The following TOX variants were observed in gnomAD, a reference collection of about 807,000 sequenced individuals.
TOX encodes thymocyte selection-associated high mobility group box protein TOX.
In TOX, 11 loss-of-function variants were observed where a neutral mutation model predicts 53.7. The ratio of observed to expected loss-of-function variants is 0.20; its 90% CI spans 0.13 to 0.34. The LOEUF (loss-of-function observed/expected upper bound fraction) is 0.34. TOX is among the 10% of genes least tolerant of loss of function. TOX has a pLI of 1.00. For missense variants in TOX, 570 were observed against 664.6 expected, an observed-to-expected ratio of 0.86 and a Z score of 1.56; for synonymous variants, 225 against 245.3, an observed-to-expected ratio of 0.92 and a Z score of 0.77.
intron 3 of TOX, among the ~76,000 whole-genome samples, chr8:58,872,064 A>AT (rs1180708382): frequency 4.0e-5 from 6 of 151,078 alleles, no homozygotes; most frequent in South Asian, 4.2e-4. Context: ...AGTCTGGAGC[A>AT]TTTTTTTTTC....
At chr8:58,990,790 C>T (rs1172327249) in intron 1 of TOX, among the ~76,000 whole-genome samples, 1 of 152,190 alleles carries the variant, frequency 6.6e-6, no homozygotes, top group Non-Finnish European at 1.5e-5. Context: ...CACTCACCTA[C>T]CTAGGTGCTG....
At chr8:58,920,720 T>TTAAAAAAAAAAAAAAAAAAAAAAAA (rs1812053613) in intron 3 of TOX, among the ~76,000 whole-genome samples, 1 of 21,952 alleles carries the variant, frequency 4.6e-5, no homozygotes. Context: ...AAAAAAAACA[T>TTAAAAAAAAAAAAAAAAAAAAAAAA]TAAAAAAAAA....
At chr8:58,878,147 T>G (rs770247024) in intron 3 of TOX, among the ~76,000 whole-genome samples, 5 of 152,050 alleles carry the variant, frequency 3.3e-5, no homozygotes, top group Non-Finnish European at 5.9e-5. Context: ...TCACAATTCT[T>G]TTCCCTTTTT....
At chr8:58,986,197 T>C (rs1813324960) in intron 1 of TOX, among the ~76,000 whole-genome samples, 1 of 152,178 alleles carries the variant, frequency 6.6e-6, no homozygotes, top group African/African-American at 2.4e-5. Flanking sequence ...GAAGTACTCA[T>C]GGTTCCACTA....
At chr8:58,934,143 T>G (rs1291749708) in intron 3 of TOX, among the ~76,000 whole-genome samples, 1 of 152,210 alleles carries the variant, frequency 6.6e-6, no homozygotes, top group Admixed American at 6.5e-5. Flanking sequence ...TGGCACTTAT[T>G]TGACAGTTAC....
chr8:58,948,722 C>G (rs1477584621), intron 2 of TOX, among the ~76,000 whole-genome samples: 1 of 151,836 alleles, frequency 6.6e-6, no homozygotes, highest in Non-Finnish European at 1.5e-5. Flanking sequence ...TTTTTTTAGT[C>G]ATCTAGACTT....
At chr8:59,098,392 C>T (rs868576198) in intron 1 of TOX, among the ~76,000 whole-genome samples, 7 of 151,806 alleles carry the variant, frequency 4.6e-5, no homozygotes, top group Middle Eastern at 3.5e-3. Flanking sequence ...ATGCTATTCT[C>T]TCTGCATTTT....
intron 3 of TOX, among the ~76,000 whole-genome samples, chr8:58,861,747 T>G (rs1442461586): frequency 1.3e-5 from 2 of 152,210 alleles, no homozygotes; most frequent in Admixed American, 6.5e-5. Flanking sequence ...GCAAGAATGC[T>G]TCTTCACACC....
rs1482744340 is a variant in TOX at position 58,976,575 on chromosome 8, A to G, written c.103-16567T>C. On this transcript the variant is annotated intron_variant, in intron 1 of 8. Coordinates refer to ENST00000361421, the MANE Select transcript of TOX (RefSeq NM_014729.3). ...ATCATCATGAATGTTCTTAATGGCA[A>G]CTAGAATGGTAAAATCATCTCCAGA... 2.6e-5 allele frequency among the ~76,000 whole-genome samples: 4 copies of G among 152,346 alleles called. No individual in the cohort carries two copies. The East Asian group carries it at 7.7e-4, about 29-fold the overall frequency.
chr8:58,834,370 C>A (rs1358048964), intron 5 of TOX, among the ~76,000 whole-genome samples: 1 of 152,176 alleles, frequency 6.6e-6, no homozygotes, highest in Non-Finnish European at 1.5e-5. Context: ...CTGTAACATG[C>A]ATATTTGTCC....
intron 3 of TOX, among the ~76,000 whole-genome samples, chr8:58,930,664 A>G (rs562651722): frequency 3.7e-4 from 56 of 152,320 alleles, no homozygotes; most frequent in African/African-American, 1.3e-3. Flanking sequence ...ACCACCCACA[A>G]GAAGCCCCAA....
At chr8:58,864,109 TG>T (rs1811057642) in intron 3 of TOX, among the ~76,000 whole-genome samples, 2 of 152,156 alleles carry the variant, frequency 1.3e-5, no homozygotes, top group African/African-American at 4.8e-5. Context: ...AGTAATGATA[TG>T]TCTAAGATAG....
In TOX at chr8:58,942,658, T is replaced by A. The variant is rs1283324969; in HGVS notation, c.169-3114A>T. On this transcript the variant is annotated intron_variant, in intron 2 of 8. Transcript: ENST00000361421. ...GAATTTGCTAATTCTTCATCATTGG[T>A]TTCTATGACATGAGAGCTTTATTTT... 2.0e-5 allele frequency among the ~76,000 whole-genome samples: 3 copies of A among 152,252 alleles called. No individual in the cohort carries two copies. In the East Asian group the frequency reaches 5.8e-4, roughly 29 times the overall value.
intron 1 of TOX, among the ~76,000 whole-genome samples, chr8:58,972,159 C>A (rs7837624): frequency 1.3e-4 from 20 of 152,022 alleles, no homozygotes; most frequent in Admixed American, 3.9e-4. Flanking sequence ...CATACATAGA[C>A]GTGCATATTC....
intron 3 of TOX, among the ~76,000 whole-genome samples, chr8:58,900,567 ATTTACT>A (rs1811719814): frequency 6.6e-6 from 1 of 152,136 alleles, no homozygotes; most frequent in South Asian, 2.1e-4. Flanking sequence ...AGAAGATTTG[ATTTACT>A]TTAAATTGAA....
intron 3 of TOX, among the ~76,000 whole-genome samples, chr8:58,876,291 T>G (rs1811282085): frequency 6.6e-6 from 1 of 152,196 alleles, no homozygotes; most frequent in Non-Finnish European, 1.5e-5. Context: ...CCTTGAATTT[T>G]ATCATCTGAA....
At chr8:59,037,729 G>A (rs370788750) in intron 1 of TOX, among the ~76,000 whole-genome samples, 75 of 150,684 alleles carry the variant, frequency 5.0e-4, no homozygotes, top group Admixed American at 2.8e-3. Flanking sequence ...TTGCACCTGG[G>A]AGGCGGAGGT....
intron 2 of TOX, among the ~76,000 whole-genome samples, chr8:58,945,410 T>C (rs553138242): frequency 6.6e-6 from 1 of 152,196 alleles, no homozygotes. Flanking sequence ...TGCTTTGGTT[T>C]GATCTGCTTG....
chr8:59,106,039 G>C (rs548771846), intron 1 of TOX, among the ~76,000 whole-genome samples: 1 of 152,108 alleles, frequency 6.6e-6, no homozygotes, highest in Non-Finnish European at 1.5e-5. Context: ...TAGCAGAAAT[G>C]AATCTTCAAC....
Sources: gnomAD v4.1 joint callset for allele counts (sites outside exome capture counted in the v4.1 genomes callset) on GRCh38, gnomAD v4.1.1 for gene constraint, MANE v1.5 for transcripts, NCBI Gene and HGNC (gene_info 2026-07-23, HGNC 2026-07-21) for gene names.